The following ADGRL3 variants were observed in gnomAD, a reference collection of about 807,000 sequenced individuals.
ADGRL3 encodes adhesion G protein-coupled receptor L3.
Under a neutral mutation model 153.5 loss-of-function variants are expected in ADGRL3, and 62 were observed. That is an observed-to-expected ratio of 0.40 (90% CI 0.33 to 0.50). The LOEUF (loss-of-function observed/expected upper bound fraction) is 0.50. Among genes scored for constraint, ADGRL3 ranks in the 20% least tolerant of loss-of-function variants. The pLI is 0.47. For missense variants in ADGRL3, 1,641 were observed against 1,859.4 expected (o/e 0.88, Z 2.16); for synonymous variants, 710 against 672.5 (o/e 1.06, Z -0.86).
At chr4:61,812,467 T>C (rs1268528172) in intron 8 of ADGRL3, among the ~76,000 whole-genome samples, 1 of 152,226 alleles carries the variant, frequency 6.6e-6, no homozygotes, top group Middle Eastern at 3.2e-3. Context: ...TATCATAATC[T>C]ATGTATCATT....
chr4:61,636,220 C>CA (rs1387558776), intron 5 of ADGRL3, among the ~76,000 whole-genome samples: 1 of 152,004 alleles, frequency 6.6e-6, no homozygotes, highest in Non-Finnish European at 1.5e-5. Flanking sequence ...ACAATGCTCA[C>CA]ATTCACTAAA....
chr4:61,712,247 G>A (rs1385554757), intron 6 of ADGRL3, among the ~76,000 whole-genome samples: 1 of 151,896 alleles, frequency 6.6e-6, no homozygotes, highest in African/African-American at 2.4e-5. Flanking sequence ...TAAAAAATTA[G>A]CCAGGCACAG....
intron 9 of ADGRL3, among the ~76,000 whole-genome samples, chr4:61,870,254 T>A (rs2098436055): frequency 6.6e-6 from 1 of 152,062 alleles, no homozygotes; most frequent in African/African-American, 2.4e-5. Context: ...CAACTGGATA[T>A]CCACATACCA....
At chr4:61,251,023 C>T (rs985668814) in intron 1 of ADGRL3, among the ~76,000 whole-genome samples, 6 of 152,064 alleles carry the variant, frequency 3.9e-5, no homozygotes, top group African/African-American at 1.4e-4. Context: ...AGTGATAGTC[C>T]ATTTATATGT....
intron 17 of ADGRL3, among the ~76,000 whole-genome samples, chr4:61,957,586 TGAGACAG>T (rs1437393687): frequency 6.6e-6 from 1 of 150,852 alleles, no homozygotes; most frequent in Non-Finnish European, 1.5e-5. Context: ...TTTATTTATT[TGAGACAG>T]AGTTTTGCTC....
intron 9 of ADGRL3, among the ~76,000 whole-genome samples, chr4:61,875,092 G>A (rs2098467651): frequency 6.6e-6 from 1 of 151,302 alleles, no homozygotes; most frequent in Non-Finnish European, 1.5e-5. Context: ...ACAGGCGTGA[G>A]CCACCGCGCC....
chr4:62,007,591 G>A (rs2099166342), intron 21 of ADGRL3, among the ~76,000 whole-genome samples: 1 of 150,342 alleles, frequency 6.7e-6, no homozygotes, highest in South Asian at 2.1e-4. Flanking sequence ...GTTCCATCCA[G>A]GAGCCAGGAT....
intron 8 of ADGRL3, among the ~76,000 whole-genome samples, chr4:61,761,834 C>T (rs76585263): frequency 0.11 from 17,393 of 152,106 alleles, 2,028 homozygotes; most frequent in African/African-American, 0.3. Context: ...AGGTGGCTGA[C>T]GTGAGAGGAG....
intron 4 of ADGRL3, among the ~76,000 whole-genome samples, chr4:61,563,879 G>A (rs141772676): frequency 0.036 from 5,464 of 152,076 alleles, 245 homozygotes; most frequent in East Asian, 0.25. Context: ...GTGGTGGTGC[G>A]CGCCTGTGAT....
intron 5 of ADGRL3, among the ~76,000 whole-genome samples, chr4:61,624,276 C>A (rs2092702583): frequency 6.6e-6 from 1 of 152,004 alleles, no homozygotes; most frequent in Non-Finnish European, 1.5e-5. Flanking sequence ...GATATTCAAA[C>A]TGGAGTCAGC....
intron 8 of ADGRL3, among the ~76,000 whole-genome samples, chr4:61,793,071 G>A (rs945285063): frequency 3.3e-5 from 5 of 151,894 alleles, no homozygotes; most frequent in African/African-American, 4.8e-5. Context: ...AGCAATTCAC[G>A]TCTTGGATGG....
intron 5 of ADGRL3, among the ~76,000 whole-genome samples, chr4:61,642,061 G>A (rs1399579091): frequency 6.7e-6 from 1 of 149,708 alleles, no homozygotes; most frequent in Non-Finnish European, 1.5e-5. Context: ...TTTTTCATGT[G>A]TTTTTTGGCT....
chr4:61,348,941 TA>T (rs754088027), intron 1 of ADGRL3, among the ~76,000 whole-genome samples: 24 of 152,144 alleles, frequency 1.6e-4, no homozygotes, highest in Non-Finnish European at 2.9e-4. Context: ...GAGTTGGACC[TA>T]AACAGTTAAA....
chr4:62,062,023 T>C (rs1347880634), intron 25 of ADGRL3, among the ~76,000 whole-genome samples: 1 of 152,042 alleles, frequency 6.6e-6, no homozygotes, highest in Non-Finnish European at 1.5e-5. Flanking sequence ...CAAGTAGTTT[T>C]ATAAGAAACT....
intron 2 of ADGRL3, among the ~76,000 whole-genome samples, chr4:61,492,697 A>C (rs1203459586): frequency 1.3e-5 from 2 of 152,118 alleles, no homozygotes; most frequent in African/African-American, 4.8e-5. Flanking sequence ...AAAAATTTGA[A>C]ATTCTTTTAG....
chr4:61,688,129 C>T (rs974429777), intron 6 of ADGRL3, among the ~76,000 whole-genome samples: 7 of 152,002 alleles, frequency 4.6e-5, no homozygotes, highest in African/African-American at 1.4e-4. Flanking sequence ...ATATAAGCTT[C>T]CTTCTCTCTA....
intron 5 of ADGRL3, among the ~76,000 whole-genome samples, chr4:61,634,127 C>T (rs1233088814): frequency 6.6e-6 from 1 of 152,126 alleles, no homozygotes; most frequent in Non-Finnish European, 1.5e-5. Flanking sequence ...ATTTTACGTA[C>T]AATCCTAAGT....
chr4:61,919,088 T>C (rs1413082375), intron 13 of ADGRL3, among the ~76,000 whole-genome samples: 2 of 152,208 alleles, frequency 1.3e-5, no homozygotes, highest in African/African-American at 4.8e-5. Context: ...TGTGCGTTGC[T>C]TGACTTGTGA....
chr4:61,261,844 A>C (rs772319032), intron 1 of ADGRL3, among the ~76,000 whole-genome samples: 1 of 152,194 alleles, frequency 6.6e-6, no homozygotes, highest in African/African-American at 2.4e-5. Context: ...AGGATTTGCC[A>C]TGAAAAGAGT....
Sources: allele counts gnomAD v4.1 joint callset (sites outside exome capture counted in the v4.1 genomes callset), GRCh38; gene constraint gnomAD v4.1.1; transcripts MANE v1.5; gene names NCBI Gene and HGNC (gene_info 2026-07-23, HGNC 2026-07-21).